The following RAB19 variants were observed in gnomAD, a reference collection of about 807,000 sequenced individuals.
The protein encoded by RAB19 is ras-related protein Rab-19.
RAB19 carries 21 observed loss-of-function variants against 17.3 expected under a neutral mutation model. The observed-to-expected ratio is 1.21, with a 90% CI of 0.86 to 1.74. RAB19 has a LOEUF of 1.74. RAB19 is among the 40% of genes most tolerant of loss of function. The pLI, the probability that RAB19 is intolerant of heterozygous loss-of-function variation, is 0.00. For synonymous variants in RAB19, 126 were observed against 110.4 expected (o/e 1.14, Z -0.88); for missense variants, 277 against 286.8 (o/e 0.97, Z 0.25).
At chr7:140,422,282 G>A (rs12538728) in intron 3 of RAB19, among the ~76,000 whole-genome samples, 15,609 of 151,986 alleles carry the variant, frequency 0.1, 1,163 homozygotes, top group East Asian at 0.26. Flanking sequence ...CCAGCTACTC[G>A]GGAGGCGGAG....
chr7:140,414,123 C>T (rs1228743886), intron 3 of RAB19, among the ~76,000 whole-genome samples: 1 of 152,152 alleles, frequency 6.6e-6, no homozygotes, highest in African/African-American at 2.4e-5. Context: ...CGACTCACTG[C>T]AATCTCTGCC....
At chr7:140,423,719 G>A (rs1008265936) in intron 3 of RAB19, among the ~76,000 whole-genome samples, 5 of 152,206 alleles carry the variant, frequency 3.3e-5, no homozygotes, top group African/African-American at 1.2e-4. Flanking sequence ...AGAGCTTTGT[G>A]AGAATAGAAC....
chr7:140,406,280 A>G (rs1382477535), intron 1 of RAB19, among the ~76,000 whole-genome samples: 2 of 145,750 alleles, frequency 1.4e-5, no homozygotes, highest in Non-Finnish European at 3.0e-5. Context: ...GGAAATATAT[A>G]TTTTTCAATG....
At chr7:140,412,342 C>G (rs1007473501) in intron 3 of RAB19, among the ~76,000 whole-genome samples, 1 of 152,010 alleles carries the variant, frequency 6.6e-6, no homozygotes. Context: ...GTCCCAGCTA[C>G]TCGGGAGGCT....
In RAB19 at chr7:140,411,196, G is replaced by A. The variant is rs977320560; in HGVS notation, c.202-678G>A. Reference sequence around the variant, plus strand: ...CAGCAGATCACAAGGTCAGGAGATCGAGACCATCCTGGCTAACACGGTGAA... The same window carrying A: ...CAGCAGATCACAAGGTCAGGAGATCAAGACCATCCTGGCTAACACGGTGAA... On this transcript the variant is annotated intron_variant, in intron 2 of 3. Transcript: ENST00000537763. The A allele has an allele frequency of 2.1e-5, 24 of 1,128,492 alleles. No homozygotes were observed. The Admixed American group carries it at 3.0e-4, about 14-fold the overall frequency. The allele number at this position is 1,128,492 out of a possible 1,614,324, so 69.9% of individuals were successfully genotyped here.
intron 3 of RAB19, among the ~76,000 whole-genome samples, chr7:140,414,269 C>T (rs753977994): frequency 2.6e-5 from 4 of 152,036 alleles, no homozygotes; most frequent in South Asian, 2.1e-4. Flanking sequence ...CTCGAACTCC[C>T]GACCTCAGAT....
In RAB19 at chr7:140,419,084, T is replaced by C. The variant is rs1372189407; in HGVS notation, c.386-6798T>C. On this transcript the variant is annotated intron_variant, in intron 3 of 3. Coordinates refer to ENST00000537763, the MANE Select transcript of RAB19 (RefSeq NM_001008749.3). ...GTTTTGTGGTTTGTTTTTTTTTTTT[T>C]TTTGAGATGGAGTCTCACTCTGTTG... is the stretch of plus-strand genomic sequence containing the variant. 1.7e-4 allele frequency among the ~76,000 whole-genome samples: 26 copies of C among 149,854 alleles called. No individual in the cohort carries two copies. In the East Asian group the frequency reaches 5.0e-3, roughly 29 times the overall value.
chr7:140,405,574 C>T (rs990425739), intron 1 of RAB19, among the ~76,000 whole-genome samples: 13 of 151,666 alleles, frequency 8.6e-5, no homozygotes, highest in African/African-American at 2.9e-4. Context: ...GCAGGGCTCT[C>T]ATTATATTGC....
At chr7:140,414,273 C>T (rs965787295) in intron 3 of RAB19, among the ~76,000 whole-genome samples, 5 of 152,058 alleles carry the variant, frequency 3.3e-5, no homozygotes, top group Non-Finnish European at 7.4e-5. Context: ...AACTCCCGAC[C>T]TCAGATGATC....
At chr7:140,410,831 T>C in intron 2 of RAB19, 1 of 774,732 alleles carries the variant, frequency 1.3e-6, no homozygotes, top group Non-Finnish European at 1.9e-6. Flanking sequence ...ATATAAATAG[T>C]ATGAGAATAT....
intron 3 of RAB19, among the ~76,000 whole-genome samples, chr7:140,415,256 G>A (rs565234001): frequency 1.3e-4 from 20 of 151,656 alleles, no homozygotes; most frequent in Non-Finnish European, 2.2e-4. Flanking sequence ...TGTGTTTTTA[G>A]TAGAGACAGG....
intron 3 of RAB19, among the ~76,000 whole-genome samples, chr7:140,419,065 T>A (rs1009387644): frequency 8.7e-6 from 1 of 114,496 alleles, no homozygotes; most frequent in African/African-American, 3.3e-5. Context: ...GTTTGTTTTG[T>A]GGTTTGTTTT....
intron 3 of RAB19, among the ~76,000 whole-genome samples, chr7:140,420,080 T>C (rs867379511): frequency 2.0e-5 from 3 of 152,208 alleles, no homozygotes; most frequent in African/African-American, 7.2e-5. Context: ...CAGGATGAGA[T>C]AGACATGCAA....
intron 1 of RAB19, among the ~76,000 whole-genome samples, chr7:140,405,697 G>A (rs1469016792): frequency 3.4e-5 from 5 of 148,348 alleles, no homozygotes; most frequent in Non-Finnish European, 5.9e-5. Context: ...ATATTTTAAA[G>A]TTAAAAACAC....
At chr7:140,421,480 C>T (rs936479598) in intron 3 of RAB19, among the ~76,000 whole-genome samples, 3 of 152,164 alleles carry the variant, frequency 2.0e-5, no homozygotes, top group Non-Finnish European at 4.4e-5. Context: ...ATGCCTCAGC[C>T]TCCCAAGTAG....
At chr7:140,411,844 A>C in intron 2 of RAB19, 30 bp from the exon 3 acceptor site, 3 of 1,614,072 alleles carry the variant, frequency 1.9e-6, no homozygotes, top group Non-Finnish European at 1.7e-6. Flanking sequence ...GGAACCCCTG[A>C]TTTGGACTCT....
intron 3 of RAB19, among the ~76,000 whole-genome samples, chr7:140,413,415 T>C (rs1799401738): frequency 6.6e-6 from 1 of 152,014 alleles, no homozygotes. Flanking sequence ...ATTTCTGTGA[T>C]GAATGTCTTT....
chr7:140,417,235 CAAAA>C (rs36052693), intron 3 of RAB19, among the ~76,000 whole-genome samples: 1 of 116,660 alleles, frequency 8.6e-6, no homozygotes, highest in Non-Finnish European at 1.8e-5. Flanking sequence ...GACTCTGTCT[CAAAA>C]AAAAAAAAAA....
intron 3 of RAB19, among the ~76,000 whole-genome samples, chr7:140,422,901 AGT>A (rs1799587918): frequency 6.6e-6 from 1 of 152,202 alleles, no homozygotes; most frequent in Non-Finnish European, 1.5e-5. Flanking sequence ...TGAGGTCAGG[AGT>A]TCAAGACCAG....
Sources: allele counts gnomAD v4.1 joint callset (sites outside exome capture counted in the v4.1 genomes callset), GRCh38; gene constraint gnomAD v4.1.1; transcripts MANE v1.5; gene names NCBI Gene and HGNC (gene_info 2026-07-23, HGNC 2026-07-21).